NIPBL: variants seen among roughly 807,000 people sequenced by gnomAD.
NIPBL encodes the protein nipped-B-like protein.
In NIPBL, 19 loss-of-function variants were observed where a neutral mutation model predicts 321.8. The observed-to-expected ratio is 0.06, with a 90% CI of 0.04 to 0.09. The LOEUF is 0.09. NIPBL is among the 10% of genes least tolerant of loss of function. The pLI is 1.00. For missense variants in NIPBL, 2,210 were observed against 3,327.0 expected (o/e 0.66, Z 8.26); for synonymous variants, 1,106 against 1,114.1 (o/e 0.99, Z 0.14).
intron 30 of NIPBL, among the ~76,000 whole-genome samples, chr5:37,025,091 A>C (rs1455551160): frequency 6.6e-6 from 1 of 152,174 alleles, no homozygotes; most frequent in African/African-American, 2.4e-5. Context: ...TGATGAAAAT[A>C]ATTTTTAAAA....
chr5:37,014,351 A>G (rs1748673404), intron 21 of NIPBL, among the ~76,000 whole-genome samples: 1 of 149,420 alleles, frequency 6.7e-6, no homozygotes, highest in Non-Finnish European at 1.5e-5. Flanking sequence ...TGAGGTTGAC[A>G]TATTTTTTCT....
chr5:37,035,096 C>T (rs1284577595), intron 32 of NIPBL, among the ~76,000 whole-genome samples: 2 of 152,208 alleles, frequency 1.3e-5, no homozygotes, highest in African/African-American at 2.4e-5. Flanking sequence ...TTGAGACCAG[C>T]TTGGGCAACA....
chr5:36,932,166 G>A (rs1423386939), intron 1 of NIPBL, among the ~76,000 whole-genome samples: 2 of 152,156 alleles, frequency 1.3e-5, no homozygotes, highest in Non-Finnish European at 2.9e-5. Context: ...GGTCCAGCAT[G>A]TGATCAATTT....
At position 37,017,107 on chromosome 5, in the gene NIPBL, A is replaced by G. The variant is rs1749085350; in HGVS notation, c.4865A>G (p.Lys1622Arg). 6.2e-7 allele frequency: 1 copy of G among 1,612,986 alleles called. No homozygotes were observed. The highest frequency in any genetic ancestry group is 1.3e-5 in the African/African-American group (1 of 74,906). Residue 1622 changes from lysine to arginine, a missense_variant, in exon 24 of 47, where the codon AAA (lysine) becomes AGA (arginine). Physicochemically the swap from Lys to Arg is conservative, Grantham distance 26. This residue lies in a region of NIPBL where 28 missense variants were observed against 91.3 expected (regional missense o/e 0.31). Transcript: ENST00000282516. Reference protein sequence around the residue: ...YLGTVAARLRKDAVTSKMDQG... With the variant: ...YLGTVAARLRRDAVTSKMDQG... ...GGAACTGTTGCTGCACGGCTAAGAA[A>G]AGATGCTGTTACAAGCAAAATGGAT... is the stretch of plus-strand genomic sequence containing the variant.
At chr5:36,892,524 A>T (rs1329307743) in intron 1 of NIPBL, among the ~76,000 whole-genome samples, 4 of 152,314 alleles carry the variant, frequency 2.6e-5, no homozygotes, top group African/African-American at 9.6e-5. Context: ...AATAGCAAAG[A>T]CTTGGAACCA....
intron 34 of NIPBL, among the ~76,000 whole-genome samples, chr5:37,040,296 A>G (rs537722079): frequency 6.6e-6 from 1 of 152,154 alleles, no homozygotes; most frequent in African/African-American, 2.4e-5. Context: ...TATCTCATAC[A>G]TGGTAAACTT....
intron 1 of NIPBL, among the ~76,000 whole-genome samples, chr5:36,934,033 G>C (rs1749979015): frequency 1.3e-5 from 2 of 152,024 alleles, no homozygotes; most frequent in African/African-American, 4.8e-5. Context: ...TAAAGATCAT[G>C]GTATTAAGAT....
chr5:36,969,118 T>G (rs1300670895), intron 6 of NIPBL, among the ~76,000 whole-genome samples: 2 of 152,166 alleles, frequency 1.3e-5, no homozygotes, highest in African/African-American at 4.8e-5. Context: ...TGTAAAAGAC[T>G]TTTGTGGAGC....
chr5:36,979,309 G>T (rs1743875680), intron 9 of NIPBL, among the ~76,000 whole-genome samples: 1 of 151,772 alleles, frequency 6.6e-6, no homozygotes, highest in Non-Finnish European at 1.5e-5. Flanking sequence ...GCAACTCCTT[G>T]TTTAAATGTA....
chr5:37,061,998 C>T (rs958141506), intron 45 of NIPBL, among the ~76,000 whole-genome samples: 5 of 152,100 alleles, frequency 3.3e-5, no homozygotes, highest in African/African-American at 4.8e-5. Flanking sequence ...CCAGCCACCA[C>T]GCCCGGCTAA....
intron 1 of NIPBL, among the ~76,000 whole-genome samples, chr5:36,927,641 T>G (rs1364223185): frequency 6.6e-6 from 1 of 152,174 alleles, no homozygotes; most frequent in Non-Finnish European, 1.5e-5. Flanking sequence ...ATGAGTTGTC[T>G]TTAATCAAAA....
intron 1 of NIPBL, among the ~76,000 whole-genome samples, chr5:36,889,676 T>C (rs1412227399): frequency 6.6e-6 from 1 of 152,188 alleles, no homozygotes; most frequent in Non-Finnish European, 1.5e-5. Context: ...ACTCTGATTA[T>C]CATATGTTTC....
chr5:37,011,392 A>C (rs982540014), intron 21 of NIPBL, among the ~76,000 whole-genome samples: 31 of 152,156 alleles, frequency 2.0e-4, no homozygotes, highest in Admixed American at 2.6e-4. Context: ...CTGTCTCTAC[A>C]AAAAATACAC....
intron 43 of NIPBL, 137 bp downstream of exon 43, chr5:37,057,469 G>T (rs1440976008): frequency 3.6e-6 from 3 of 843,596 alleles, no homozygotes; most frequent in South Asian, 3.3e-5. Context: ...AATGAAATCT[G>T]GGCAATACTT....
chr5:37,000,531 G>T lies in NIPBL; in HGVS notation c.3463G>T (p.Asp1155Tyr). 3 of 1,613,406 alleles carry T rather than the reference G, an allele frequency of 1.9e-6. No individual in the cohort carries two copies. In the South Asian group the frequency reaches 3.3e-5, roughly 18 times the overall value. ...TCGAAACCGAAGTCCGTCAGATTCT[G>T]ACATGGAAGATTATTCTCCTCCTCC... ...RYRNRSPSDS[D>Y]MEDYSPPPSL... Residue 1155 changes from aspartate (D) to tyrosine (Y), a missense_variant, in exon 12 of 47, where the codon GAC becomes TAC. By Grantham distance (160) the Asp-to-Tyr change is radical (BLOSUM62 -3). Transcript: ENST00000282516.
At chr5:36,940,933 G>C (rs1346614811) in intron 1 of NIPBL, among the ~76,000 whole-genome samples, 2 of 152,102 alleles carry the variant, frequency 1.3e-5, no homozygotes, top group Non-Finnish European at 2.9e-5. Context: ...ATGTTTCGTA[G>C]TGATTATTCA....
At position 37,000,069 on chromosome 5, in the gene NIPBL, C is replaced by T. The variant is rs159750; in HGVS notation, c.3305-304C>T. ...TCTTGAAGTTTAGGTATAACCCTTA[C>T]TGACTTACTGAATAACTGTCCTTGA... On this transcript the variant is annotated intron_variant, in intron 11 of 46. Coordinates refer to ENST00000282516, the MANE Select transcript of NIPBL (RefSeq NM_133433.4). Among the ~76,000 whole-genome samples the T allele has an allele frequency of 0.042, 6,392 of 152,230 alleles. 459 individuals are homozygous for T. Among genetic ancestry groups the T allele is most frequent in the African/African-American group, 0.15 (6,049 of 41,516 alleles).
intron 1 of NIPBL, chr5:36,885,540 G>T (rs1416781865): frequency 1.9e-5 from 10 of 524,330 alleles, no homozygotes; most frequent in Non-Finnish European, 3.8e-5. Context: ...AGCAACACCC[G>T]GGAGCACCTG....
At chr5:36,895,979 C>T (rs890845878) in intron 1 of NIPBL, among the ~76,000 whole-genome samples, 1 of 152,040 alleles carries the variant, frequency 6.6e-6, no homozygotes, top group African/African-American at 2.4e-5. Flanking sequence ...TATTGTTTTC[C>T]TTTGGTTGCT....
Sources: gnomAD v4.1 joint callset for allele counts (sites outside exome capture counted in the v4.1 genomes callset) on GRCh38, gnomAD v4.1.1 for gene constraint, gnomAD v4.1.1 regional missense constraint, MANE v1.5 for transcripts, NCBI Gene and HGNC (gene_info 2026-07-23, HGNC 2026-07-21) for gene names.